OXR1: variants seen among roughly 807,000 people sequenced by gnomAD.
OXR1 encodes oxidation resistance 1.
OXR1 carries 41 observed loss-of-function variants against 104.6 expected under a neutral mutation model. That is an observed-to-expected ratio of 0.39 (90% CI 0.31 to 0.51). The LOEUF is 0.51. OXR1 is among the 20% of genes least tolerant of loss of function. OXR1 has a pLI of 0.77. For synonymous variants in OXR1, 348 were observed against 348.4 expected (o/e 1.00, Z 0.01); for missense variants, 955 against 1,031.9 (o/e 0.93, Z 1.02).
intron 1 of OXR1, among the ~76,000 whole-genome samples, chr8:106,323,121 T>A (rs1371799912): frequency 1.3e-5 from 2 of 152,270 alleles, no homozygotes; most frequent in Non-Finnish European, 2.9e-5. Context: ...GAGGCATCTT[T>A]ACCAGACTTC....
chr8:106,672,713 G>C (rs1208707238), intron 3 of OXR1, among the ~76,000 whole-genome samples: 1 of 152,118 alleles, frequency 6.6e-6, no homozygotes. Context: ...GAGAAACCAG[G>C]TGGAGGGAAT....
chr8:106,718,422 G>T (rs1428054024), intron 11 of OXR1, among the ~76,000 whole-genome samples: 1 of 152,152 alleles, frequency 6.6e-6, no homozygotes, highest in Non-Finnish European at 1.5e-5. Flanking sequence ...AGTTCCTAAT[G>T]ATAAATCAGT....
intron 3 of OXR1, among the ~76,000 whole-genome samples, chr8:106,567,504 T>C (rs1817168644): frequency 1.3e-5 from 2 of 151,602 alleles, no homozygotes; most frequent in African/African-American, 4.8e-5. Flanking sequence ...TTTACATTTT[T>C]TTCTATGAGC....
chr8:106,458,832 C>T (rs534101619), intron 2 of OXR1, among the ~76,000 whole-genome samples: 1 of 152,150 alleles, frequency 6.6e-6, no homozygotes, highest in Non-Finnish European at 1.5e-5. Flanking sequence ...TTTCTTCTTG[C>T]TTAGTCCTCC....
chr8:106,482,089 G>T (rs1381092416), intron 2 of OXR1, among the ~76,000 whole-genome samples: 2 of 151,952 alleles, frequency 1.3e-5, no homozygotes, highest in African/African-American at 4.8e-5. Flanking sequence ...ACCCCTTGCT[G>T]GTTTGCATTT....
At chr8:106,298,347 G>A (rs544280267) in intron 1 of OXR1, among the ~76,000 whole-genome samples, 3 of 152,272 alleles carry the variant, frequency 2.0e-5, no homozygotes, top group African/African-American at 4.8e-5. Flanking sequence ...GCAAGAGAAC[G>A]TGTGCCGGGG....
intron 2 of OXR1, among the ~76,000 whole-genome samples, chr8:106,400,672 AAAAT>A (rs775564687): frequency 6.6e-6 from 1 of 152,196 alleles, no homozygotes; most frequent in Non-Finnish European, 1.5e-5. Context: ...TTAGACTGGG[AAAAT>A]AAATAAGACT....
At chr8:106,350,035 GGGA>G (rs1815659106) in intron 1 of OXR1, among the ~76,000 whole-genome samples, 1 of 152,146 alleles carries the variant, frequency 6.6e-6, no homozygotes, top group African/African-American at 2.4e-5. Context: ...TGTGAATACA[GGGA>G]AGAAGTGAGA....
chr8:106,377,351 T>A (rs183594646), intron 2 of OXR1, among the ~76,000 whole-genome samples: 128 of 147,474 alleles, frequency 8.7e-4, no homozygotes, highest in African/African-American at 2.6e-3. Context: ...TTGCCTAATT[T>A]AAAAAAAAAA....
intron 2 of OXR1, among the ~76,000 whole-genome samples, chr8:106,423,686 A>C (rs1434802664): frequency 6.6e-6 from 1 of 152,164 alleles, no homozygotes; most frequent in African/African-American, 2.4e-5. Context: ...CTTGGTTTTG[A>C]TTTGTGCACG....
chr8:106,661,600 T>C (rs1305705981), intron 3 of OXR1, among the ~76,000 whole-genome samples: 2 of 152,200 alleles, frequency 1.3e-5, no homozygotes, highest in African/African-American at 4.8e-5. Flanking sequence ...GTAATAAATA[T>C]AGATAAATTT....
intron 7 of OXR1, among the ~76,000 whole-genome samples, chr8:106,693,486 A>G (rs370353644): frequency 1.6e-4 from 24 of 147,540 alleles, no homozygotes; most frequent in Non-Finnish European, 2.8e-4. Context: ...CTGGAGTGCA[A>G]TGGCGTGATC....
intron 3 of OXR1, among the ~76,000 whole-genome samples, chr8:106,594,198 T>TC (rs1819337845): frequency 6.6e-6 from 1 of 152,202 alleles, no homozygotes; most frequent in Admixed American, 6.5e-5. Flanking sequence ...ATTTTTTTTT[T>TC]CTCCAGCTAG....
chr8:106,567,981 T>C (rs936858802), intron 3 of OXR1, among the ~76,000 whole-genome samples: 28 of 152,272 alleles, frequency 1.8e-4, no homozygotes, highest in Admixed American at 7.9e-4. Flanking sequence ...ACTAGATGAA[T>C]GTGAGCCTGA....
At chr8:106,370,863 T>C (rs546937868) in intron 2 of OXR1, among the ~76,000 whole-genome samples, 4 of 152,334 alleles carry the variant, frequency 2.6e-5, no homozygotes, top group African/African-American at 9.6e-5. Context: ...GTTTTCTTTT[T>C]TTCTTGTGTC....
intron 2 of OXR1, among the ~76,000 whole-genome samples, chr8:106,488,816 G>T (rs868495060): frequency 2.3e-4 from 34 of 149,898 alleles, no homozygotes; most frequent in African/African-American, 8.2e-4. Context: ...ATGCTGTTTT[G>T]GTTACTGTAG....
intron 11 of OXR1, among the ~76,000 whole-genome samples, chr8:106,733,772 G>C (rs1350029529): frequency 6.8e-6 from 1 of 146,300 alleles, no homozygotes; most frequent in Non-Finnish European, 1.5e-5. Flanking sequence ...ATTGCAGTGA[G>C]CCGAGATTGT....
At chr8:106,445,192 G>A (rs764282774) in intron 2 of OXR1, among the ~76,000 whole-genome samples, 40 of 152,066 alleles carry the variant, frequency 2.6e-4, no homozygotes, top group African/African-American at 4.1e-4. Context: ...CTCATCTTAC[G>A]TATTTTATTT....
At position 106,726,899 on chromosome 8, in the gene OXR1, C is replaced by T. The variant is rs1315455583; in HGVS notation, c.1957-10621C>T. ...GTACATTGTTATAAAATGTATTGTCCATTGCTCTTTCTGTGGTAATTTGGG... is the reference window on the plus strand; with the variant it reads ...GTACATTGTTATAAAATGTATTGTCTATTGCTCTTTCTGTGGTAATTTGGG... On this transcript the variant is annotated intron_variant, in intron 11 of 16. Coordinates refer to ENST00000517566, the MANE Select transcript of OXR1 (RefSeq NM_001198533.2). Among the ~76,000 whole-genome samples, 9 of 151,924 alleles carry T rather than the reference C, an allele frequency of 5.9e-5. No individual in the cohort carries two copies. In the East Asian group the frequency reaches 7.7e-4, roughly 13 times the overall value.
Sources: allele counts gnomAD v4.1 joint callset (sites outside exome capture counted in the v4.1 genomes callset), GRCh38; gene constraint gnomAD v4.1.1; transcripts MANE v1.5; gene names NCBI Gene and HGNC (gene_info 2026-07-23, HGNC 2026-07-21).